The following VWA2 variants were observed in gnomAD, a reference collection of about 807,000 sequenced individuals.
VWA2 encodes the protein von Willebrand factor A domain containing 2.
In VWA2, 73 loss-of-function variants were observed where a neutral mutation model predicts 70.4. The observed-to-expected ratio is 1.04, with a 90% confidence interval of 0.86 to 1.26. The LOEUF is 1.26. VWA2 is among the 50% of genes most tolerant of loss of function. The pLI, the probability that VWA2 is intolerant of heterozygous loss-of-function variation, is 0.00. For missense variants in VWA2, 1,011 were observed against 998.5 expected (o/e 1.01, Z -0.17); for synonymous variants, 407 against 423.3 (o/e 0.96, Z 0.47).
At chr10:114,268,629 T>C (rs1373453721) in intron 5 of VWA2, among the ~76,000 whole-genome samples, 2 of 152,216 alleles carry the variant, frequency 1.3e-5, no homozygotes, top group Non-Finnish European at 2.9e-5. Flanking sequence ...AAATAGACCC[T>C]GAGCTCAGAA....
At chr10:114,239,793 T>G (rs1188690501) in intron 1 of VWA2, among the ~76,000 whole-genome samples, 1 of 152,250 alleles carries the variant, frequency 6.6e-6, no homozygotes. Flanking sequence ...AGAGCGCACC[T>G]GGCGCGCGCC....
intron 12 of VWA2, chr10:114,289,712 A>C: frequency 3.4e-6 from 2 of 580,388 alleles, no homozygotes; most frequent in South Asian, 2.1e-5. Flanking sequence ...AACATAGATA[A>C]CTCCCCCCAA....
At chr10:114,268,817 C>A (rs909694035) in intron 5 of VWA2, among the ~76,000 whole-genome samples, 1 of 152,038 alleles carries the variant, frequency 6.6e-6, no homozygotes, top group Non-Finnish European at 1.5e-5. Context: ...GCCTCAGCCT[C>A]CCGAGTAGCT....
chr10:114,292,138 G>A lies in VWA2; in HGVS notation c.*901G>A, dbSNP rs1484532574. 2.6e-5 allele frequency among the ~76,000 whole-genome samples: 4 copies of A among 152,068 alleles called. No individual in the cohort carries two copies. Among genetic ancestry groups the A allele is most frequent in the Non-Finnish European group, 4.4e-5 (3 of 68,022 alleles). ...CTAAAAATACAAAAGGTAGCCGGGG[G>A]TGGTGGTGGATGCCTATAATCCCAG... On this transcript the variant is annotated 3_prime_UTR_variant, in exon 14 of 14. Transcript: ENST00000392982.
At chr10:114,259,997 G>A (rs182860752) in intron 4 of VWA2, among the ~76,000 whole-genome samples, 4 of 152,312 alleles carry the variant, frequency 2.6e-5, no homozygotes, top group African/African-American at 9.6e-5. Context: ...CACGTCCCAC[G>A]CCTGTCGAGG....
rs142127208 is a variant in VWA2, at chr10:114,271,608, AACAC to A, written c.372-1100_372-1097del. ...ATGTCAGACTTGCATGAGAAGTAAA[AACAC>A]ACACACACACACACACACACACACA... On this transcript the variant is annotated intron_variant, in intron 5 of 13. Coordinates refer to ENST00000392982, the MANE Select transcript of VWA2 (RefSeq NM_001272046.2). Among the ~76,000 whole-genome samples, 88 of 144,754 alleles carry A rather than the reference AACAC, an allele frequency of 6.1e-4. 1 individual carries two copies. The highest frequency in any genetic ancestry group is 1.6e-3 in the African/African-American group (63 of 39,176). 95.0% of individuals were successfully genotyped at this position (144,754 alleles called of 152,430 possible).
At chr10:114,280,636 GGGATCTTTCT>G (rs2038037120) in intron 8 of VWA2, 1 of 152,276 alleles carries the variant, frequency 6.6e-6, no homozygotes, top group Non-Finnish European at 1.5e-5. Flanking sequence ...GAAGGGCCCA[GGGATCTTTCT>G]GGGCTAGGAC....
At position 114,285,825 on chromosome 10, in the gene VWA2, C is replaced by G; in HGVS notation, c.998-114C>G. 4.3e-6 allele frequency: 5 copies of G among 1,172,994 alleles called. No homozygotes were observed. In the South Asian group the frequency reaches 6.5e-5, roughly 15 times the overall value. The allele number at this position is 1,172,994 out of a possible 1,614,324, so 72.7% of individuals were successfully genotyped here. On this transcript the variant is annotated intron_variant, in intron 10 of 13. Transcript: ENST00000392982. ...GCACGGGTCACTTAAGCTTGGGGGG[C>G]CCACAGTTTCTCTGCACCATCTCCC...
intron 9 of VWA2, among the ~76,000 whole-genome samples, chr10:114,284,212 C>T (rs2038561149): frequency 6.6e-6 from 1 of 152,216 alleles, no homozygotes; most frequent in African/African-American, 2.4e-5. Context: ...AGAGGCCTTG[C>T]TCATAATTTG....
intron 1 of VWA2, among the ~76,000 whole-genome samples, chr10:114,244,230 G>A (rs1361970169): frequency 6.6e-6 from 1 of 152,200 alleles, no homozygotes; most frequent in Non-Finnish European, 1.5e-5. Flanking sequence ...CAGGGTGGCA[G>A]ATTTTTTAAA....
intron 1 of VWA2, among the ~76,000 whole-genome samples, chr10:114,241,547 G>A (rs1460690809): frequency 6.6e-6 from 1 of 152,176 alleles, no homozygotes; most frequent in East Asian, 1.9e-4. Context: ...CATAAAAACA[G>A]AATAGTTATT....
rs199822772 is a variant in VWA2, at chr10:114,285,935, G to A, written c.998-4G>A. 266 of 1,582,824 alleles carry A rather than the reference G, an allele frequency of 1.7e-4. 1 individual carries two copies. The highest frequency in any genetic ancestry group is 1.1e-3 in the Admixed American group (66 of 58,660). ...GACAGTGGGTGTTGCTGTGATCCCCGCAGCCCTGAAGCTGAGCCTGGAATG... is the reference window on the plus strand; with the variant it reads ...GACAGTGGGTGTTGCTGTGATCCCCACAGCCCTGAAGCTGAGCCTGGAATG... On this transcript the variant is annotated splice_region_variant and splice_polypyrimidine_tract_variant and intron_variant, in intron 10 of 13. Transcript: ENST00000392982.
intron 13 of VWA2, among the ~76,000 whole-genome samples, chr10:114,290,989 C>T (rs924373430): frequency 6.6e-6 from 1 of 152,158 alleles, no homozygotes; most frequent in African/African-American, 2.4e-5. Flanking sequence ...AATCAGAAGA[C>T]AAGTCCAGTC....
At position 114,288,923 on chromosome 10, in the gene VWA2, T is replaced by C; in HGVS notation, c.1571-15T>C. The C allele has an allele frequency of 6.3e-7, 1 of 1,587,378 alleles. No individual in the cohort carries two copies. The highest frequency in any genetic ancestry group is 2.2e-5 in the East Asian group (1 of 44,628). Reference sequence around the variant, plus strand: ...GGCACATCCACTGCTGAAGCCCCTCTGCTTGCTCCTGCAGGGTGCCGGACA... The same window carrying C: ...GGCACATCCACTGCTGAAGCCCCTCCGCTTGCTCCTGCAGGGTGCCGGACA... On this transcript the variant is annotated splice_polypyrimidine_tract_variant and intron_variant, in intron 11 of 13. Transcript: ENST00000392982.
At position 114,274,793 on chromosome 10, in the gene VWA2, C is replaced by T. The variant is rs1002104131; in HGVS notation, c.566+1859C>T. 3.3e-5 allele frequency among the ~76,000 whole-genome samples: 5 copies of T among 152,090 alleles called. No individual in the cohort carries two copies. The East Asian group carries it at 9.6e-4, about 29-fold the overall frequency. ...TACAGGCGTGAGCCACTGCGCCTGG[C>T]GTTGGCTTAGGATATGTTTTGAAGG... On this transcript the variant is annotated intron_variant, in intron 6 of 13. Coordinates refer to ENST00000392982, the MANE Select transcript of VWA2 (RefSeq NM_001272046.2).
In VWA2 at chr10:114,293,120, A is replaced by G. The variant is rs558700503; in HGVS notation, c.*1883A>G. ...CTAGAAAAGCGCTTGAAGCAGTATC[A>G]CCAAGATTTTAGATATTAAAAAGTC... On this transcript the variant is annotated 3_prime_UTR_variant, in exon 14 of 14. Coordinates refer to ENST00000392982, the MANE Select transcript of VWA2 (RefSeq NM_001272046.2). 6.6e-6 allele frequency among the ~76,000 whole-genome samples: 1 copy of G among 152,344 alleles called. No individual in the cohort carries two copies. The highest frequency in any genetic ancestry group is 2.4e-5 in the African/African-American group (1 of 41,578).
At chr10:114,254,881 C>T in intron 3 of VWA2, 34 bp from the exon 4 acceptor site, 1 of 1,601,406 alleles carries the variant, frequency 6.2e-7, no homozygotes, top group South Asian at 1.1e-5. Context: ...CCGACTTGCT[C>T]CTGGTTGTCA....
At chr10:114,275,671 TA>T (rs1359144108) in intron 6 of VWA2, among the ~76,000 whole-genome samples, 1 of 152,240 alleles carries the variant, frequency 6.6e-6, no homozygotes, top group Non-Finnish European at 1.5e-5. Context: ...CTCACGCCTG[TA>T]ATCCCAGCAC....
intron 8 of VWA2, among the ~76,000 whole-genome samples, chr10:114,282,136 TG>T (rs2038210522): frequency 1.3e-5 from 2 of 152,050 alleles, no homozygotes; most frequent in Non-Finnish European, 2.9e-5. Context: ...CCTGCTAAGC[TG>T]GGATTACAGG....
Sources: gnomAD v4.1 joint callset for allele counts (sites outside exome capture counted in the v4.1 genomes callset) on GRCh38, gnomAD v4.1.1 for gene constraint, MANE v1.5 for transcripts, NCBI Gene and HGNC (gene_info 2026-07-23, HGNC 2026-07-21) for gene names.